The following MOXD1 variants were observed in gnomAD, a reference collection of about 807,000 sequenced individuals.
MOXD1 encodes the protein monooxygenase DBH like 1, also known as DBH-like monooxygenase protein 1.
A neutral mutation model predicts 66.6 loss-of-function variants in MOXD1; 62 were observed. The observed-to-expected ratio is 0.93, with a 90% CI of 0.76 to 1.15. The LOEUF (loss-of-function observed/expected upper bound fraction) is 1.15, where lower values mean the gene tolerates loss of function less well. Ranked by LOEUF, MOXD1 falls within the 50% of genes most tolerant of loss-of-function variation. The pLI, the probability that MOXD1 is intolerant of heterozygous loss-of-function variation, is 0.00. For synonymous variants in MOXD1, 303 were observed against 281.9 expected (o/e 1.07, Z -0.75); for missense variants, 847 against 754.6 (o/e 1.12, Z -1.44).
chr6:132,328,007 ACT>A lies in MOXD1; in HGVS notation c.946+4_946+5del. On this transcript the variant is annotated splice_donor_5th_base_variant and intron_variant, in intron 6 of 11. Coordinates refer to ENST00000367963, the MANE Select transcript of MOXD1 (RefSeq NM_015529.4). The stretch of plus-strand genomic sequence containing the variant: ...CATAGGTAAAACATATGAATAATAA[ACT>A]CACCTTCCTCATAAGTGGGATTATC... The A allele has an allele frequency of 6.2e-7, 1 of 1,603,624 alleles. No homozygotes were observed. Among genetic ancestry groups the A allele is most frequent in the Non-Finnish European group, 8.5e-7 (1 of 1,171,568 alleles).
chr6:132,362,942 T>G (rs1032058432), intron 4 of MOXD1, among the ~76,000 whole-genome samples: 2 of 152,174 alleles, frequency 1.3e-5, no homozygotes, highest in Non-Finnish European at 1.5e-5. Flanking sequence ...AAATGAAACT[T>G]CGTATGTGTC....
chr6:132,400,548 T>C (rs1776999135), intron 1 of MOXD1, among the ~76,000 whole-genome samples: 1 of 152,166 alleles, frequency 6.6e-6, no homozygotes. Flanking sequence ...TGTCACTTCA[T>C]AGGATATTTT....
intron 4 of MOXD1, among the ~76,000 whole-genome samples, chr6:132,335,276 C>CAT (rs1174731092): frequency 6.8e-6 from 1 of 146,724 alleles, no homozygotes; most frequent in African/African-American, 2.6e-5. Flanking sequence ...CTGAAAGAAA[C>CAT]ATATTTTTTT....
At position 132,297,132 on chromosome 6, in the gene MOXD1, T is replaced by C. The variant is rs191103889; in HGVS notation, c.*21A>G. On this transcript the variant is annotated 3_prime_UTR_variant, in exon 12 of 12. Coordinates refer to ENST00000367963, the MANE Select transcript of MOXD1 (RefSeq NM_015529.4). ...CAGGTTCAGATCATAGAAAACATTG[T>C]CAAGTCCAACAGAATTTTGATCACA... 1,280 of 1,610,942 alleles carry C rather than the reference T, an allele frequency of 7.9e-4. 3 individuals are homozygous for C. In the African/African-American group the frequency reaches 0.014, roughly 17 times the overall value.
chr6:132,320,757 C>G (rs1036722049), intron 8 of MOXD1, 69 bp from the exon 9 acceptor site: 2 of 1,285,326 alleles, frequency 1.6e-6, no homozygotes, highest in African/African-American at 1.5e-5. Flanking sequence ...TACATTTGTA[C>G]GTCAACAGTT....
At chr6:132,322,915 A>G in intron 7 of MOXD1, 45 bp from the exon 8 acceptor site, 3 of 1,498,018 alleles carry the variant, frequency 2.0e-6, no homozygotes, top group Non-Finnish European at 2.7e-6. Flanking sequence ...ACATTAATGC[A>G]TGTTCAGACA....
In MOXD1 at chr6:132,297,769, A is replaced by G; in HGVS notation, c.1677+18T>C. On this transcript the variant is annotated intron_variant, in intron 11 of 11. Coordinates refer to ENST00000367963, the MANE Select transcript of MOXD1 (RefSeq NM_015529.4). ...TAAAATGTGTCATCTGGGTTGTCAG[A>G]GGTTAAAAAGAGCTTACCGACCACT... The G allele has an allele frequency of 6.4e-7, 1 of 1,571,852 alleles. No individual in the cohort carries two copies. Among genetic ancestry groups the G allele is most frequent in the South Asian group, 1.2e-5 (1 of 83,460 alleles).
At chr6:132,356,481 G>A (rs1163360643) in intron 4 of MOXD1, among the ~76,000 whole-genome samples, 2 of 152,158 alleles carry the variant, frequency 1.3e-5, no homozygotes, top group African/African-American at 4.8e-5. Context: ...ATTAAAGTTT[G>A]AAATACATGT....
At position 132,297,813 on chromosome 6, in the gene MOXD1, A is replaced by T. The variant is rs1774442901; in HGVS notation, c.1651T>A (p.Ser551Thr). The T allele has an allele frequency of 4.3e-6, 7 of 1,611,966 alleles. No homozygotes were observed. The highest frequency in any genetic ancestry group is 5.9e-6 in the Non-Finnish European group (7 of 1,179,162). The change falls in exon 11 of 12, where the codon TCC (serine) becomes ACC (threonine). Residue 551 changes from serine to threonine, a missense_variant. By Grantham distance (58) the Ser-to-Thr change is moderately conservative. Transcript: ENST00000367963. Reference sequence around the variant, plus strand: ...GACCACTCAGCATTGTCTGTCTTGGAACATCTCACATTCACTGGCAGGCTG... The same window carrying T: ...GACCACTCAGCATTGTCTGTCTTGGTACATCTCACATTCACTGGCAGGCTG... ...VLSLPVNVRC[S>T]KTDNAEWSIQ... is the part of the protein sequence containing the mutation.
intron 4 of MOXD1, among the ~76,000 whole-genome samples, chr6:132,360,869 A>C (rs1391746984): frequency 6.6e-6 from 1 of 152,234 alleles, no homozygotes; most frequent in Non-Finnish European, 1.5e-5. Context: ...ATTAAAATAT[A>C]TAGTGGGCAT....
intron 7 of MOXD1, among the ~76,000 whole-genome samples, chr6:132,323,444 A>G (rs1477750135): frequency 2.0e-5 from 3 of 152,204 alleles, no homozygotes; most frequent in Non-Finnish European, 4.4e-5. Flanking sequence ...AAATATTTTC[A>G]TTAAAAAACT....
intron 1 of MOXD1, among the ~76,000 whole-genome samples, chr6:132,387,752 A>T (rs9375883): frequency 1.2e-5 from 1 of 84,518 alleles, no homozygotes; most frequent in Non-Finnish European, 2.1e-5. Context: ...AACTCCATCT[A>T]AAAAAAAAAA....
intron 10 of MOXD1, among the ~76,000 whole-genome samples, chr6:132,310,448 G>A (rs1250222846): frequency 6.6e-6 from 1 of 152,152 alleles, no homozygotes; most frequent in Non-Finnish European, 1.5e-5. Flanking sequence ...AATTCTTCAA[G>A]GATCTAGAAC....
At chr6:132,349,414 T>C (rs1464820791) in intron 4 of MOXD1, among the ~76,000 whole-genome samples, 1 of 85,664 alleles carries the variant, frequency 1.2e-5, no homozygotes, top group Admixed American at 1.2e-4. Context: ...TACATATATA[T>C]ATATATACAT....
intron 1 of MOXD1, among the ~76,000 whole-genome samples, chr6:132,378,186 G>C (rs1318935513): frequency 2.0e-5 from 3 of 151,860 alleles, no homozygotes; most frequent in Non-Finnish European, 2.9e-5. Flanking sequence ...TATTTTGGAG[G>C]CAGATCTTCA....
chr6:132,301,660 T>C (rs1475818393), intron 10 of MOXD1, among the ~76,000 whole-genome samples: 1 of 152,078 alleles, frequency 6.6e-6, no homozygotes, highest in East Asian at 1.9e-4. Flanking sequence ...AAATGAACTA[T>C]ATTACACACT....
chr6:132,397,676 AAG>A (rs1166547236), intron 1 of MOXD1, among the ~76,000 whole-genome samples: 3 of 141,648 alleles, frequency 2.1e-5, no homozygotes, highest in African/African-American at 5.3e-5. Flanking sequence ...GAAAGAAAGA[AAG>A]AAAGAAAGAA....
intron 8 of MOXD1, among the ~76,000 whole-genome samples, chr6:132,321,137 C>A (rs1481056113): frequency 2.0e-5 from 3 of 151,956 alleles, no homozygotes; most frequent in Admixed American, 2.0e-4. Context: ...TGGTTGCGGG[C>A]ACCTTTAATT....
chr6:132,350,719 C>G (rs1775784573), intron 4 of MOXD1, among the ~76,000 whole-genome samples: 1 of 152,078 alleles, frequency 6.6e-6, no homozygotes, highest in African/African-American at 2.4e-5. Flanking sequence ...TTTGACAGTA[C>G]AGTCATTTTC....
Sources: allele counts gnomAD v4.1 joint callset (sites outside exome capture counted in the v4.1 genomes callset), GRCh38; gene constraint gnomAD v4.1.1; transcripts MANE v1.5; gene names NCBI Gene and HGNC (gene_info 2026-07-23, HGNC 2026-07-21).